Variants in GOSR2 observed in about 807,000 individuals in gnomAD.
GOSR2 encodes golgi SNAP receptor complex member 2, also known as 27 kDa Golgi SNARE protein.
GOSR2 carries 20 observed loss-of-function variants against 27.9 expected under a neutral mutation model. That is an observed-to-expected ratio of 0.72 (90% CI 0.50 to 1.04). The LOEUF (loss-of-function observed/expected upper bound fraction) is 1.04, where lower values mean the gene tolerates loss of function less well. GOSR2 is among the 50% of genes least tolerant of loss of function. The probability of loss-of-function intolerance (pLI) is 0.00; values close to 1 mark genes in which losing one functional copy is unlikely to be tolerated. For missense variants in GOSR2, 261 were observed against 270.5 expected (o/e 0.97, Z 0.25); for synonymous variants, 91 against 98.8 (o/e 0.92, Z 0.47).
At chr17:46,945,507 G>A (rs984744719), downstream of GOSR2, among the ~76,000 whole-genome samples, 2 of 152,164 alleles carry the variant, frequency 1.3e-5, no homozygotes, top group African/African-American at 4.8e-5. Flanking sequence ...CTAACCTTGG[G>A]CTTAATCACT....
intron 6 of GOSR2, among the ~76,000 whole-genome samples, chr17:46,974,432 G>T (rs2091425190): frequency 6.6e-6 from 1 of 152,190 alleles, no homozygotes. Context: ...ATGTGTTGTG[G>T]GGAGCAAAGG....
At chr17:46,973,383 G>A (rs989379784) in intron 6 of GOSR2, among the ~76,000 whole-genome samples, 3 of 151,692 alleles carry the variant, frequency 2.0e-5, no homozygotes, top group African/African-American at 4.8e-5. Context: ...GGCTGGTCTC[G>A]AACTCGTGGG....
intron 6 of GOSR2, among the ~76,000 whole-genome samples, chr17:46,974,773 T>G (rs1355398686): frequency 1.3e-5 from 2 of 151,156 alleles, no homozygotes; most frequent in Non-Finnish European, 2.9e-5. Context: ...GAAACTGATT[T>G]GAATCCCAGC....
downstream of GOSR2, among the ~76,000 whole-genome samples, chr17:46,942,376 A>G (rs2089401566): frequency 6.6e-6 from 1 of 152,104 alleles, no homozygotes; most frequent in African/African-American, 2.4e-5. Flanking sequence ...GTTCTCCATC[A>G]TTTATCCTCA....
chr17:46,939,390 G>C lies in GOSR2; in HGVS notation c.*630G>C. On this transcript the variant is annotated 3_prime_UTR_variant, in exon 6 of 6. Coordinates refer to ENST00000640051, the MANE Select transcript of GOSR2 (RefSeq NM_004287.5). ...AACAAGTAAGATTTTCCACACTACA[G>C]CTGGGTGTTTCTCTTTTCTAAAGTG... 3 of 997,752 alleles carry C rather than the reference G, an allele frequency of 3.0e-6. No individual in the cohort carries two copies. The highest frequency in any genetic ancestry group is 3.6e-6 in the Non-Finnish European group (3 of 835,768). 61.8% of individuals were successfully genotyped at this position (997,752 alleles called of 1,614,324 possible). A position where few individuals can be genotyped will look rare whatever the true frequency, so the allele number is the denominator to read the frequency against.
intron 3 of GOSR2, chr17:46,931,466 C>T: frequency 1.9e-6 from 1 of 529,818 alleles, no homozygotes. Flanking sequence ...GCCTCCAGTT[C>T]TGTTTTTTGA....
intron 6 of GOSR2, among the ~76,000 whole-genome samples, chr17:46,950,690 G>T (rs1385486423): frequency 6.6e-6 from 1 of 152,182 alleles, no homozygotes; most frequent in African/African-American, 2.4e-5. Flanking sequence ...CCTGCCCGGG[G>T]CCCTGCTCAG....
At chr17:46,936,325 G>C in intron 5 of GOSR2, 1 of 985,420 alleles carries the variant, frequency 1.0e-6, no homozygotes. Context: ...GTGGGGGTTA[G>C]AGCGTCCTGT....
At chr17:46,933,533 G>A (rs747680228) in intron 4 of GOSR2, 6 of 152,050 alleles carry the variant, frequency 3.9e-5, no homozygotes, top group Non-Finnish European at 7.3e-5. Flanking sequence ...AAGACCTGAC[G>A]CCTATCTGTG....
downstream of GOSR2, among the ~76,000 whole-genome samples, chr17:46,945,766 C>G (rs1042796123): frequency 6.6e-6 from 1 of 152,140 alleles, no homozygotes; most frequent in Non-Finnish European, 1.5e-5. Flanking sequence ...GGCAGAAGCT[C>G]AGGGAGTGGG....
intron 5 of GOSR2, chr17:46,935,733 G>C (rs992776993): frequency 4.6e-5 from 45 of 987,886 alleles, no homozygotes; most frequent in Non-Finnish European, 5.1e-5. Context: ...CCTAGCCTTA[G>C]GTATTCCTAG....
chr17:46,932,373 G>A, intron 4 of GOSR2, 174 bp downstream of exon 4: 1 of 695,426 alleles, frequency 1.4e-6, no homozygotes, highest in Non-Finnish European at 2.4e-6. Flanking sequence ...CCTAGACAGA[G>A]AATCCCTTTT....
chr17:46,943,837 G>T (rs2089586286), downstream of GOSR2, among the ~76,000 whole-genome samples: 1 of 152,254 alleles, frequency 6.6e-6, no homozygotes, highest in South Asian at 2.1e-4. Flanking sequence ...CAGGACTGGG[G>T]AGAGAGAAGT....
Position 46,935,058 on chromosome 17 carries a change from A to AT in GOSR2, c.367dup (p.Ser123PhefsTer5). ...CTGACACCACCATACCAATGGACGA[A>AT]TCACTGCAGTTTAACTCCTCCCTCC... On this transcript the variant is annotated frameshift_variant, in exon 5 of 6. Coordinates refer to ENST00000640051, the MANE Select transcript of GOSR2 (RefSeq NM_004287.5). LOFTEE classifies it high-confidence loss of function. 6.2e-6 allele frequency: 10 copies of AT among 1,612,316 alleles called. No individual in the cohort carries two copies. Among genetic ancestry groups the AT allele is most frequent in the Non-Finnish European group, 8.5e-6 (10 of 1,178,300 alleles).
intron 2 of GOSR2, chr17:46,930,807 T>C: frequency 5.6e-6 from 2 of 360,310 alleles, no homozygotes; most frequent in Non-Finnish European, 1.0e-5. Context: ...GGACAACCTT[T>C]GCATGTTTAT....
At position 46,923,222 on chromosome 17, in the gene GOSR2, G is replaced by A. The variant is rs886039603; in HGVS notation, c.29+1G>A. ...ATCCCCTGTTCCAGCAAACGCACAA[G>A]TGAGGGCCGGTCGGGGAGCGGGCAG... is the stretch of plus-strand genomic sequence containing the variant. On this transcript the variant is annotated splice_donor_variant, in intron 1 of 5. Coordinates refer to ENST00000640051, the MANE Select transcript of GOSR2 (RefSeq NM_004287.5). LOFTEE classifies it high-confidence loss of function. The A allele has an allele frequency of 2.6e-6, 4 of 1,550,972 alleles. No individual in the cohort carries two copies. The highest frequency in any genetic ancestry group is 3.5e-6 in the Non-Finnish European group (4 of 1,146,544).
intron 1 of GOSR2, among the ~76,000 whole-genome samples, chr17:46,924,071 C>T (rs1365322047): frequency 6.6e-6 from 1 of 152,154 alleles, no homozygotes; most frequent in African/African-American, 2.4e-5. Flanking sequence ...CACTACGATC[C>T]ATTTCCAGAA....
At chr17:46,924,067 G>A (rs945701067) in intron 1 of GOSR2, among the ~76,000 whole-genome samples, 6 of 152,098 alleles carry the variant, frequency 3.9e-5, no homozygotes, top group South Asian at 2.1e-4. Flanking sequence ...ACATCACTAC[G>A]ATCCATTTCC....
chr17:46,965,226 A>G (rs2091260287), intron 6 of GOSR2, among the ~76,000 whole-genome samples: 1 of 152,212 alleles, frequency 6.6e-6, no homozygotes, highest in African/African-American at 2.4e-5. Flanking sequence ...TTCTCACTGC[A>G]ATTGCAAACC....
Sources: gnomAD v4.1 joint callset for allele counts (sites outside exome capture counted in the v4.1 genomes callset) on GRCh38, gnomAD v4.1.1 for gene constraint, MANE v1.5 for transcripts, NCBI Gene and HGNC (gene_info 2026-07-23, HGNC 2026-07-21) for gene names.